CXCL13: variants seen among roughly 807,000 people sequenced by gnomAD.
CXCL13 encodes the protein C-X-C motif chemokine 13.
CXCL13 carries 7 observed loss-of-function variants against 12.2 expected under a neutral mutation model. The ratio of observed to expected loss-of-function variants is 0.57; its 90% confidence interval spans 0.33 to 1.07. The LOEUF is 1.07. CXCL13 is among the 50% of genes least tolerant of loss of function. The pLI, the probability that CXCL13 is intolerant of heterozygous loss-of-function variation, is 0.04. For missense variants in CXCL13, 113 were observed against 127.4 expected (o/e 0.89, Z 0.55); for synonymous variants, 47 against 42.4 (o/e 1.11, Z -0.42).
chr4:77,570,142 T>G (rs754378028), intron 1 of CXCL13, among the ~76,000 whole-genome samples: 10 of 152,162 alleles, frequency 6.6e-5, no homozygotes, highest in Non-Finnish European at 1.5e-4. Context: ...GATTAAAGAC[T>G]TCAATGTAAA....
chr4:77,538,615 C>A (rs114499697), intron 1 of CXCL13, among the ~76,000 whole-genome samples: 1,586 of 152,112 alleles, frequency 0.01, 15 homozygotes, highest in Non-Finnish European at 0.018. Context: ...GGGTAATAGT[C>A]AGGTTCACTC....
intron 1 of CXCL13, among the ~76,000 whole-genome samples, chr4:77,571,898 C>A (rs1017290092): frequency 6.6e-6 from 1 of 151,828 alleles, no homozygotes; most frequent in Middle Eastern, 3.4e-3. Context: ...GCCCACGAGC[C>A]CACCAGGAGG....
intron 1 of CXCL13, among the ~76,000 whole-genome samples, chr4:77,551,481 G>C (rs183657086): frequency 2.5e-4 from 38 of 152,230 alleles, no homozygotes; most frequent in South Asian, 4.1e-4. Flanking sequence ...GTTTCTGCTG[G>C]GAAGTCTGCT....
chr4:77,543,908 C>A (rs1324862136), intron 1 of CXCL13, among the ~76,000 whole-genome samples: 3 of 152,120 alleles, frequency 2.0e-5, no homozygotes. Flanking sequence ...TCCCCCAACC[C>A]CATGACAGGT....
At chr4:77,586,321 G>T (rs1726457812) in intron 1 of CXCL13, among the ~76,000 whole-genome samples, 1 of 151,822 alleles carries the variant, frequency 6.6e-6, no homozygotes, top group Admixed American at 6.6e-5. Context: ...AAATATTTTT[G>T]AGTAACAAGA....
intron 1 of CXCL13, among the ~76,000 whole-genome samples, chr4:77,521,694 G>T (rs1446018739): frequency 6.6e-6 from 1 of 151,622 alleles, no homozygotes; most frequent in African/African-American, 2.4e-5. Context: ...TTTTTGAAGG[G>T]TATTTTTGTC....
rs1452716571 is a variant in CXCL13 at position 77,606,584 on chromosome 4, TC to T, written c.64+660del. ...GTTCTTAAAACACAGAGGAGCTTTGTCCCCCAGTTTTAATTTTGCTTCACAT... is the reference window on the plus strand; with the variant it reads ...GTTCTTAAAACACAGAGGAGCTTTGTCCCCAGTTTTAATTTTGCTTCACAT... On this transcript the variant is annotated intron_variant, in intron 1 of 3. Coordinates refer to ENST00000682537, the MANE Select transcript of CXCL13 (RefSeq NM_001371558.1). Among the ~76,000 whole-genome samples, 4 of 152,302 alleles carry T rather than the reference TC, an allele frequency of 2.6e-5. No homozygotes were observed. In the East Asian group the frequency reaches 7.7e-4, roughly 29 times the overall value.
intron 1 of CXCL13, among the ~76,000 whole-genome samples, chr4:77,596,994 A>G (rs551181600): frequency 1.0e-3 from 157 of 152,274 alleles, no homozygotes; most frequent in Non-Finnish European, 1.8e-3. Flanking sequence ...AAAGATGAAA[A>G]TGCTGCCATT....
At chr4:77,538,838 C>G (rs1452762992) in intron 1 of CXCL13, among the ~76,000 whole-genome samples, 1 of 152,134 alleles carries the variant, frequency 6.6e-6, no homozygotes, top group Non-Finnish European at 1.5e-5. Context: ...CACATGGCAA[C>G]AAGATATGTT....
At chr4:77,602,135 A>ACT (rs1726891281), upstream of CXCL13, among the ~76,000 whole-genome samples, 1 of 152,026 alleles carries the variant, frequency 6.6e-6, no homozygotes, top group Non-Finnish European at 1.5e-5. Context: ...TCTACCGTTA[A>ACT]CTCTCTGTTT....
chr4:77,520,471 G>A (rs79879503), intron 1 of CXCL13, among the ~76,000 whole-genome samples: 4,139 of 152,156 alleles, frequency 0.027, 199 homozygotes, highest in African/African-American at 0.094. Context: ...TATTCTTTTT[G>A]CAGCAATTGT....
chr4:77,564,906 GT>G (rs1465794915), intron 1 of CXCL13, among the ~76,000 whole-genome samples: 3 of 152,188 alleles, frequency 2.0e-5, no homozygotes. Flanking sequence ...AGGGGTAGGG[GT>G]TAGGGTGGGG....
chr4:77,532,296 T>C (rs540606478), intron 1 of CXCL13, among the ~76,000 whole-genome samples: 52 of 152,330 alleles, frequency 3.4e-4, no homozygotes, highest in African/African-American at 1.2e-3. Context: ...TATTTCTCCT[T>C]CACTTATGAA....
chr4:77,582,901 AC>A, intron 1 of CXCL13, among the ~76,000 whole-genome samples: 1 of 152,310 alleles, frequency 6.6e-6, no homozygotes, highest in East Asian at 1.9e-4. Flanking sequence ...CTTTTGGAAC[AC>A]CAACCAAACT....
At chr4:77,548,962 T>C (rs1725440256) in intron 1 of CXCL13, among the ~76,000 whole-genome samples, 1 of 152,238 alleles carries the variant, frequency 6.6e-6, no homozygotes, top group African/African-American at 2.4e-5. Context: ...CTCATCACTT[T>C]CAGGTATACC....
upstream of CXCL13, among the ~76,000 whole-genome samples, chr4:77,604,724 C>G (rs1726964722): frequency 6.6e-6 from 1 of 152,112 alleles, no homozygotes; most frequent in African/African-American, 2.4e-5. Flanking sequence ...CATTACCACT[C>G]CTCCACTTCT....
chr4:77,583,945 CT>C (rs537129272), intron 1 of CXCL13, among the ~76,000 whole-genome samples: 173 of 152,294 alleles, frequency 1.1e-3, no homozygotes, highest in African/African-American at 4.0e-3. Context: ...ATGGGACACT[CT>C]TTCCCTCTAA....
At chr4:77,608,295 C>A (rs1166630304) in intron 2 of CXCL13, among the ~76,000 whole-genome samples, 1 of 152,074 alleles carries the variant, frequency 6.6e-6, no homozygotes, top group Non-Finnish European at 1.5e-5. Flanking sequence ...ACAAAATTAG[C>A]CGGGTGTGGT....
upstream of CXCL13, among the ~76,000 whole-genome samples, chr4:77,601,692 T>C (rs1157617672): frequency 6.6e-6 from 1 of 152,260 alleles, no homozygotes; most frequent in Non-Finnish European, 1.5e-5. Context: ...CTTCACGTTT[T>C]TGTGTTTTCA....
Sources: gnomAD v4.1 joint callset for allele counts (sites outside exome capture counted in the v4.1 genomes callset) on GRCh38, gnomAD v4.1.1 for gene constraint, MANE v1.5 for transcripts, NCBI Gene and HGNC (gene_info 2026-07-23, HGNC 2026-07-21) for gene names.